CCDC192: variants seen among roughly 807,000 people sequenced by gnomAD.
CCDC192 encodes the protein coiled-coil domain containing 192, also known as coiled-coil domain-containing protein 192.
At chr5:127,707,832 T>C (rs528847974) in intron 2 of CCDC192, 72 bp downstream of exon 2, 6 of 394,994 alleles carry the variant, frequency 1.5e-5, no homozygotes, top group Non-Finnish European at 2.7e-5. Flanking sequence ...ACTTCTTTAA[T>C]TAATATTAAG....
Position 127,766,128 on chromosome 5 carries a change from A to G in CCDC192, c.222+11753A>G, listed in dbSNP as rs746638669. ...ATTTATAGCACACCCAGGCAGATAA[A>G]TGCCTTTTTCAGAATGGTTTAAGGG... On this transcript the variant is annotated intron_variant, in intron 3 of 6. Transcript: ENST00000514853. 1.5e-3 allele frequency among the ~76,000 whole-genome samples: 222 copies of G among 152,124 alleles called. 1 individual carries two copies. Among genetic ancestry groups the G allele is most frequent in the Non-Finnish European group, 2.9e-4 (20 of 68,024 alleles).
chr5:127,841,871 G>A (rs905328731), intron 5 of CCDC192, among the ~76,000 whole-genome samples: 9 of 152,168 alleles, frequency 5.9e-5, no homozygotes, highest in Non-Finnish European at 1.2e-4. Flanking sequence ...CAGGGGCCAG[G>A]CAGGTTGTGT....
chr5:127,932,710 C>A (rs1388874556), intron 6 of CCDC192, among the ~76,000 whole-genome samples: 1 of 152,136 alleles, frequency 6.6e-6, no homozygotes, highest in African/African-American at 2.4e-5. Flanking sequence ...CACTACAATC[C>A]ATGCACTATT....
chr5:127,795,298 A>AC (rs1158186604), intron 3 of CCDC192, among the ~76,000 whole-genome samples: 1 of 151,960 alleles, frequency 6.6e-6, no homozygotes, highest in African/African-American at 2.4e-5. Flanking sequence ...TCAAAAAAAA[A>AC]AAAAAAAAAA....
chr5:127,892,606 T>C (rs1454865078), intron 6 of CCDC192, among the ~76,000 whole-genome samples: 3 of 152,170 alleles, frequency 2.0e-5, no homozygotes, highest in African/African-American at 7.2e-5. Context: ...CTTTGTGAGC[T>C]CTAGTAGTTC....
intron 2 of CCDC192, among the ~76,000 whole-genome samples, chr5:127,736,765 C>T (rs1295341104): frequency 3.4e-5 from 5 of 146,442 alleles, no homozygotes; most frequent in Admixed American, 2.1e-4. Flanking sequence ...TCTGTGGGAT[C>T]GGTGGTGATA....
At chr5:127,790,901 A>G (rs1756831252) in intron 3 of CCDC192, among the ~76,000 whole-genome samples, 1 of 152,216 alleles carries the variant, frequency 6.6e-6, no homozygotes, top group South Asian at 2.1e-4. Flanking sequence ...TACAGCATAG[A>G]AAAAGAAAGC....
chr5:127,779,067 A>G (rs1454284840), intron 3 of CCDC192, among the ~76,000 whole-genome samples: 1 of 152,028 alleles, frequency 6.6e-6, no homozygotes, highest in African/African-American at 2.4e-5. Context: ...AGGAACCAAT[A>G]TTTGGTTTTA....
At chr5:127,921,986 T>A (rs1205343978) in intron 6 of CCDC192, among the ~76,000 whole-genome samples, 1 of 152,246 alleles carries the variant, frequency 6.6e-6, no homozygotes, top group African/African-American at 2.4e-5. Flanking sequence ...TTTTGTTTGA[T>A]GTTAAAAGTC....
At chr5:127,849,756 T>G (rs1750717456) in intron 5 of CCDC192, among the ~76,000 whole-genome samples, 1 of 152,200 alleles carries the variant, frequency 6.6e-6, no homozygotes, top group African/African-American at 2.4e-5. Flanking sequence ...GTAATACCTT[T>G]TCCTAAAGCC....
intron 2 of CCDC192, among the ~76,000 whole-genome samples, chr5:127,730,287 T>C (rs899761887): frequency 6.6e-5 from 10 of 152,150 alleles, no homozygotes; most frequent in African/African-American, 1.7e-4. Flanking sequence ...ACTGGGTAAG[T>C]TCCTGGACAT....
intron 5 of CCDC192, among the ~76,000 whole-genome samples, chr5:127,831,425 T>C (rs113547224): frequency 2.0e-5 from 3 of 152,042 alleles, no homozygotes; most frequent in African/African-American, 7.2e-5. Flanking sequence ...TCTCCAGTCA[T>C]TGAATTAACA....
intron 6 of CCDC192, among the ~76,000 whole-genome samples, chr5:127,890,388 T>G (rs201970405): frequency 6.6e-6 from 1 of 151,224 alleles, no homozygotes; most frequent in East Asian, 2.0e-4. Context: ...AACCTAAGAT[T>G]GGTGTTTTGA....
At chr5:127,742,119 G>A (rs1337975088) in intron 2 of CCDC192, among the ~76,000 whole-genome samples, 1 of 152,114 alleles carries the variant, frequency 6.6e-6, no homozygotes, top group East Asian at 1.9e-4. Flanking sequence ...ATAGTGCCTG[G>A]CAAATAGTGA....
intron 6 of CCDC192, among the ~76,000 whole-genome samples, chr5:127,927,957 T>A (rs1753909886): frequency 7.3e-6 from 1 of 137,864 alleles, no homozygotes; most frequent in African/African-American, 3.1e-5. Flanking sequence ...TTTTTTTTTT[T>A]TGAGACGGAG....
chr5:127,874,699 C>T (rs1208419285), intron 5 of CCDC192, among the ~76,000 whole-genome samples: 5 of 152,094 alleles, frequency 3.3e-5, no homozygotes, highest in African/African-American at 9.7e-5. Context: ...CCCACAAAGA[C>T]TTGGCAAGGT....
chr5:127,706,981 CAG>C (rs1223051657), intron 1 of CCDC192, among the ~76,000 whole-genome samples: 2 of 152,204 alleles, frequency 1.3e-5, no homozygotes, highest in African/African-American at 4.8e-5. Context: ...GAAAGTATTT[CAG>C]AGAGAGAGTG....
At chr5:127,754,574 T>C (rs1056509935) in intron 3 of CCDC192, among the ~76,000 whole-genome samples, 199 bp downstream of exon 3, 37 of 151,666 alleles carry the variant, frequency 2.4e-4, no homozygotes, top group Admixed American at 1.2e-3. Context: ...GACATAACAG[T>C]GCTTACTTTA....
At chr5:127,800,402 C>CAAAAAAAAA (rs772597286) in intron 5 of CCDC192, among the ~76,000 whole-genome samples, 6 of 88,322 alleles carry the variant, frequency 6.8e-5, no homozygotes, top group Non-Finnish European at 9.9e-5. Context: ...AAAAAAAAAA[C>CAAAAAAAAA]AACAACAACA....
Sources: gnomAD v4.1 joint callset for allele counts (sites outside exome capture counted in the v4.1 genomes callset) on GRCh38, gnomAD v4.1.1 for gene constraint, MANE v1.5 for transcripts, NCBI Gene and HGNC (gene_info 2026-07-23, HGNC 2026-07-21) for gene names.